RP1: variants seen among roughly 807,000 people sequenced by gnomAD.
RP1 encodes the protein RP1 axonemal microtubule associated, also known as oxygen-regulated protein 1.
A neutral mutation model predicts 14.8 loss-of-function variants in RP1; 16 were observed. The observed-to-expected ratio is 1.08, with a 90% CI of 0.73 to 1.65. RP1 has a LOEUF of 1.65. RP1 is among the 40% of genes most tolerant of loss of function. RP1 has a pLI of 0.00. For synonymous variants in RP1, 876 were observed against 883.6 expected (o/e 0.99, Z 0.15); for missense variants, 2,631 against 2,535.0 (o/e 1.04, Z -0.81).
intron 24 of RP1, among the ~76,000 whole-genome samples, chr8:54,816,807 T>A (rs1811142290): frequency 6.6e-6 from 1 of 152,148 alleles, no homozygotes; most frequent in Non-Finnish European, 1.5e-5. Context: ...TATCTTTTCA[T>A]CCTTCATCCA....
intron 6 of RP1, among the ~76,000 whole-genome samples, chr8:54,657,332 G>A (rs778710611): frequency 2.6e-5 from 4 of 152,126 alleles, no homozygotes; most frequent in Non-Finnish European, 4.4e-5. Flanking sequence ...CTCAAAGAAG[G>A]CACACTCTAC....
At chr8:54,643,700 A>G (rs1281981084) in intron 3 of RP1, among the ~76,000 whole-genome samples, 1 of 151,544 alleles carries the variant, frequency 6.6e-6, no homozygotes, top group Non-Finnish European at 1.5e-5. Flanking sequence ...GTCTCTAAAG[A>G]CTCTAGGGGA....
chr8:54,627,371 G>A lies in RP1; in HGVS notation c.3489G>A (p.Leu1163=), dbSNP rs766004080. 3 of 1,614,142 alleles carry A rather than the reference G, an allele frequency of 1.9e-6. No homozygotes were observed. Among genetic ancestry groups the A allele is most frequent in the South Asian group, 2.2e-5 (2 of 91,082 alleles). The change falls in exon 4 of 4, where the codon TTG becomes TTA. Residue 1163 remains leucine (L), a synonymous_variant. Coordinates refer to ENST00000220676, the MANE Select transcript of RP1 (RefSeq NM_006269.2). ...ACAAATCTTCAGAAACACTTGCATTGTTGGAGATTCTAAAGCACATAGCTA... is the reference window on the plus strand; with the variant it reads ...ACAAATCTTCAGAAACACTTGCATTATTGGAGATTCTAAAGCACATAGCTA... The part of the protein sequence containing the change: ...ATNKSSETLA[L]LEILKHIAIT...
intron 15 of RP1, among the ~76,000 whole-genome samples, chr8:54,716,718 C>T (rs190326695): frequency 6.6e-6 from 1 of 152,262 alleles, no homozygotes; most frequent in Non-Finnish European, 1.5e-5. Flanking sequence ...ACTTCTAGAT[C>T]TCCTGATGTC....
chr8:54,612,881 T>C (rs1308254759), upstream of RP1, among the ~76,000 whole-genome samples: 10 of 152,210 alleles, frequency 6.6e-5, no homozygotes. Context: ...TTTAGATTTC[T>C]TCTCACGTCA....
exon 18 of RP1, chr8:54,734,574 A>G (rs1017273022): frequency 2.0e-6 from 3 of 1,535,130 alleles, no homozygotes; most frequent in Non-Finnish European, 2.6e-6. Context: ...AAGTAGTGAG[A>G]CTCTTCTGTC....
downstream of RP1, among the ~76,000 whole-genome samples, chr8:54,634,005 T>C (rs959204401): frequency 6.6e-6 from 1 of 151,986 alleles, no homozygotes; most frequent in Non-Finnish European, 1.5e-5. Context: ...TCATAAAAAG[T>C]CCTGAGTTTT....
intron 3 of RP1, among the ~76,000 whole-genome samples, chr8:54,644,833 G>A (rs1308792532): frequency 6.6e-6 from 1 of 152,132 alleles, no homozygotes; most frequent in Non-Finnish European, 1.5e-5. Context: ...TGCTCTGAGG[G>A]ACATCCTGTT....
intron 25 of RP1, among the ~76,000 whole-genome samples, chr8:54,844,623 T>C (rs142105973): frequency 1.8e-3 from 269 of 152,302 alleles, no homozygotes; most frequent in African/African-American, 5.9e-3. Flanking sequence ...TGTGTAGACA[T>C]GCTTGCATAC....
chr8:54,567,993 C>G (rs946059219), intron 1 of RP1, among the ~76,000 whole-genome samples: 2 of 152,122 alleles, frequency 1.3e-5, no homozygotes, highest in Non-Finnish European at 1.5e-5. Context: ...AATATATAGT[C>G]CAGGGCTGGT....
At chr8:54,689,535 C>G (rs759519398) in intron 12 of RP1, among the ~76,000 whole-genome samples, 6 of 152,060 alleles carry the variant, frequency 3.9e-5, no homozygotes, top group Non-Finnish European at 8.8e-5. Context: ...TGCTAAGTCT[C>G]TTTATAAATA....
At chr8:54,805,785 G>C (rs1298504027) in intron 24 of RP1, among the ~76,000 whole-genome samples, 2 of 151,880 alleles carry the variant, frequency 1.3e-5, no homozygotes, top group Non-Finnish European at 2.9e-5. Context: ...TGATCTCCAG[G>C]CTATTAGAGA....
intron 24 of RP1, among the ~76,000 whole-genome samples, chr8:54,834,621 G>C (rs1811613572): frequency 7.4e-6 from 1 of 135,872 alleles, no homozygotes; most frequent in Non-Finnish European, 1.7e-5. Context: ...GTGTAGAGGA[G>C]AAGAGTATCA....
At chr8:54,662,457 C>G (rs76177379) in intron 6 of RP1, among the ~76,000 whole-genome samples, 1 of 152,166 alleles carries the variant, frequency 6.6e-6, no homozygotes, top group Non-Finnish European at 1.5e-5. Flanking sequence ...GAAGACCCTA[C>G]TGAAGCCCAG....
chr8:54,761,598 A>C (rs1306631416), intron 22 of RP1, among the ~76,000 whole-genome samples: 1 of 152,180 alleles, frequency 6.6e-6, no homozygotes, highest in African/African-American at 2.4e-5. Flanking sequence ...AGGAAGGAGC[A>C]TAAGTGATAG....
At chr8:54,745,504 G>T (rs1319516972) in intron 19 of RP1, among the ~76,000 whole-genome samples, 2 of 152,142 alleles carry the variant, frequency 1.3e-5, no homozygotes, top group African/African-American at 4.8e-5. Context: ...AGTTTTTATG[G>T]TAATGTTCTC....
At chr8:54,776,209 T>C (rs1227975092) in intron 23 of RP1, among the ~76,000 whole-genome samples, 2 of 152,178 alleles carry the variant, frequency 1.3e-5, no homozygotes, top group Non-Finnish European at 1.5e-5. Context: ...GTTTGGTTAG[T>C]TTATTTTTTA....
At chr8:54,812,783 ATCT>A (rs1377624976) in intron 24 of RP1, among the ~76,000 whole-genome samples, 25 of 150,048 alleles carry the variant, frequency 1.7e-4, no homozygotes, top group African/African-American at 6.2e-4. Context: ...CTATCTATCT[ATCT>A]ATCTATCTAT....
At chr8:54,719,786 TA>T (rs1808491794) in intron 15 of RP1, among the ~76,000 whole-genome samples, 1 of 152,214 alleles carries the variant, frequency 6.6e-6, no homozygotes, top group Non-Finnish European at 1.5e-5. Context: ...GAGTATTTTC[TA>T]AAAGAAAAGT....
Sources: allele counts gnomAD v4.1 joint callset (sites outside exome capture counted in the v4.1 genomes callset), GRCh38; gene constraint gnomAD v4.1.1; transcripts MANE v1.5; gene names NCBI Gene and HGNC (gene_info 2026-07-23, HGNC 2026-07-21).